NEBL: variants seen among roughly 807,000 people sequenced by gnomAD.
The protein encoded by NEBL is LIM and SH3 protein 2.
In NEBL, 122 loss-of-function variants were observed where a neutral mutation model predicts 140.2. The observed-to-expected ratio is 0.87, with a 90% CI of 0.75 to 1.01. The LOEUF is 1.01. Ranked by LOEUF, NEBL falls within the 50% of genes least tolerant of loss-of-function variation. The pLI is 0.00. For synonymous variants in NEBL, 436 were observed against 398.9 expected, an observed-to-expected ratio of 1.09 and a Z score of -1.11; for missense variants, 1,365 against 1,231.3, an observed-to-expected ratio of 1.11 and a Z score of -1.62.
intron 17 of NEBL, 99 bp from the exon 18 acceptor site, chr10:20,826,638 T>G: frequency 2.3e-6 from 2 of 853,800 alleles, no homozygotes; most frequent in Admixed American, 1.9e-5. Flanking sequence ...TATAATAATA[T>G]GAATACTGCA....
At chr10:21,107,067 T>C (rs1837751661) in intron 2 of NEBL, among the ~76,000 whole-genome samples, 1 of 152,060 alleles carries the variant, frequency 6.6e-6, no homozygotes, top group South Asian at 2.1e-4. Context: ...ACTTATCAGC[T>C]TAAGGAGATT....
intron 4 of NEBL, among the ~76,000 whole-genome samples, chr10:20,907,133 A>T (rs575344923): frequency 7.9e-5 from 12 of 152,104 alleles, no homozygotes; most frequent in Non-Finnish European, 1.6e-4. Context: ...TTGATCATAT[A>T]TACCTTAAGC....
At chr10:21,121,762 T>C (rs1419901689) in intron 2 of NEBL, among the ~76,000 whole-genome samples, 1 of 152,072 alleles carries the variant, frequency 6.6e-6, no homozygotes, top group African/African-American at 2.4e-5. Flanking sequence ...ACTCCCCTAA[T>C]TGACAGTAGC....
chr10:20,836,388 A>G (rs1366291796), intron 13 of NEBL, among the ~76,000 whole-genome samples: 1 of 151,960 alleles, frequency 6.6e-6, no homozygotes, highest in Non-Finnish European at 1.5e-5. Flanking sequence ...ACATCCAGCT[A>G]ATTTTTGTAT....
chr10:20,787,186 T>C lies in NEBL; in HGVS notation c.2868+16A>G, dbSNP rs1377078509. 1.3e-6 allele frequency: 2 copies of C among 1,576,424 alleles called. No individual in the cohort carries two copies. The highest frequency in any genetic ancestry group is 2.3e-5 in the South Asian group (2 of 88,762). On this transcript the variant is annotated intron_variant, in intron 27 of 27. Coordinates refer to ENST00000377122, the MANE Select transcript of NEBL (RefSeq NM_006393.3). Reference sequence around the variant, plus strand: ...GGAAGACCAGCTAAGGAGGAACGTATCAAATGGACACTTACTAGATTTGGT... The same window carrying C: ...GGAAGACCAGCTAAGGAGGAACGTACCAAATGGACACTTACTAGATTTGGT...
chr10:20,817,716 T>TA (rs762426697), intron 20 of NEBL, 24 bp from the exon 21 acceptor site: 1 of 1,543,494 alleles, frequency 6.5e-7, no homozygotes, highest in South Asian at 1.1e-5. Context: ...ATAAGAACTT[T>TA]AACAGATAGC....
intron 2 of NEBL, among the ~76,000 whole-genome samples, chr10:21,033,956 G>C (rs567746392): frequency 1.3e-5 from 2 of 151,566 alleles, no homozygotes; most frequent in Non-Finnish European, 2.9e-5. Context: ...GCTTAAGTCA[G>C]AGACTTTGAG....
chr10:21,252,588 A>AAAAAATATATATT (rs1364502262), intron 1 of NEBL, among the ~76,000 whole-genome samples: 19 of 151,358 alleles, frequency 1.3e-4, no homozygotes, highest in Non-Finnish European at 2.2e-4. Flanking sequence ...CCTTACTGGG[A>AAAAAATATATATT]AAAAATATAT....
At chr10:21,113,235 C>A in intron 2 of NEBL, 1 of 287,898 alleles carries the variant, frequency 3.5e-6, no homozygotes, top group Non-Finnish European at 6.2e-6. Flanking sequence ...AAAATCATTT[C>A]CACCATGGAA....
chr10:21,280,617 TC>T (rs1342009026), intron 1 of NEBL, among the ~76,000 whole-genome samples: 27 of 109,488 alleles, frequency 2.5e-4, no homozygotes, highest in African/African-American at 1.0e-3. Context: ...TTTTTCTTTT[TC>T]CTTTTTTTTT....
At chr10:21,246,323 TAC>T (rs959303198) in intron 3 of NEBL, among the ~76,000 whole-genome samples, 2 of 152,228 alleles carry the variant, frequency 1.3e-5, no homozygotes. Context: ...ATATTTAACA[TAC>T]ACTCGCCATA....
At chr10:21,214,860 G>A (rs1032186048) in intron 3 of NEBL, among the ~76,000 whole-genome samples, 8 of 152,166 alleles carry the variant, frequency 5.3e-5, no homozygotes, top group Admixed American at 2.0e-4. Flanking sequence ...AGAATATCCT[G>A]TGTTCTTTTA....
chr10:20,813,019 A>G, intron 23 of NEBL, 79 bp from the exon 24 acceptor site: 3 of 1,194,260 alleles, frequency 2.5e-6, no homozygotes, highest in Admixed American at 1.8e-5. Flanking sequence ...TGACAGGTGT[A>G]CACTGCACTG....
At position 21,028,251 on chromosome 10, in the gene NEBL, A is replaced by G. The variant is rs199805565; in HGVS notation, c.165-8050T>C. The stretch of plus-strand genomic sequence containing the variant: ...CAAACATCTCAAAAAAAAAAAAAAA[A>G]AAAAAGAAGAAGAAGAAGAAGAAGA... On this transcript the variant is annotated intron_variant, in intron 2 of 6. Coordinates refer to the NEBL transcript ENST00000417816. 2.2e-3 allele frequency among the ~76,000 whole-genome samples: 81 copies of G among 36,778 alleles called. No homozygotes were observed. In the East Asian group the frequency reaches 0.023, roughly 11 times the overall value. 24.1% of individuals were successfully genotyped at this position (36,778 alleles called of 152,430 possible).
rs559750798 is a variant in NEBL, at chr10:20,864,881, G to C, written c.684+3783C>G. On this transcript the variant is annotated intron_variant, in intron 7 of 27. Coordinates refer to ENST00000377122, the MANE Select transcript of NEBL (RefSeq NM_006393.3). ...ATTTTCCCAGCTTTCCCCTTTTCTT[G>C]TGAGTTTTATACAGCTTATAAAATC... Among the ~76,000 whole-genome samples the C allele has an allele frequency of 1.7e-4, 26 of 152,046 alleles. 1 individual carries two copies. The highest frequency in any genetic ancestry group is 6.3e-4 in the African/African-American group (26 of 41,470).
At chr10:21,011,129 T>A (rs1307016096) in intron 3 of NEBL, among the ~76,000 whole-genome samples, 1 of 152,164 alleles carries the variant, frequency 6.6e-6, no homozygotes, top group Non-Finnish European at 1.5e-5. Context: ...CTATTACAAC[T>A]GGAAGGAATT....
chr10:21,014,027 G>T (rs1217632170), intron 3 of NEBL, among the ~76,000 whole-genome samples: 2 of 152,122 alleles, frequency 1.3e-5, no homozygotes, highest in African/African-American at 4.8e-5. Flanking sequence ...AGGTCTGCAG[G>T]CCTCCAACTC....
intron 2 of NEBL, among the ~76,000 whole-genome samples, chr10:21,097,296 T>A (rs558357060): frequency 2.7e-5 from 4 of 149,326 alleles, no homozygotes; most frequent in Non-Finnish European, 3.0e-5. Context: ...CTGTCTGTAC[T>A]AAAAATACAA....
At chr10:21,200,185 C>G (rs955590524) in intron 3 of NEBL, among the ~76,000 whole-genome samples, 1 of 152,040 alleles carries the variant, frequency 6.6e-6, no homozygotes, top group African/African-American at 2.4e-5. Flanking sequence ...GGCCCCCACT[C>G]GCTACTCAGA....
Sources: gnomAD v4.1 joint callset for allele counts (sites outside exome capture counted in the v4.1 genomes callset) on GRCh38, gnomAD v4.1.1 for gene constraint, MANE v1.5 for transcripts, NCBI Gene and HGNC (gene_info 2026-07-23, HGNC 2026-07-21) for gene names.